Variants in SLC38A12 observed in about 807,000 individuals in gnomAD.
The protein encoded by SLC38A12 is solute carrier family 38 member 12.
chr17:74,786,586 G>C, the SLC38A12 span, among the ~76,000 whole-genome samples: 1 of 152,196 alleles, frequency 6.6e-6, no homozygotes, highest in Middle Eastern at 3.2e-3. Context: ...TAGGATGCCG[G>C]CTGAAGCAGG....
At chr17:74,820,106 G>C in the SLC38A12 span, among the ~76,000 whole-genome samples, 1 of 152,234 alleles carries the variant, frequency 6.6e-6, no homozygotes, top group African/African-American at 2.4e-5. Context: ...GCTGGGGCTA[G>C]AGCCCAGGAT....
the SLC38A12 span, among the ~76,000 whole-genome samples, chr17:74,818,551 C>T: frequency 1.3e-5 from 2 of 152,160 alleles, no homozygotes; most frequent in South Asian, 4.1e-4. Flanking sequence ...CTCAGCTCCT[C>T]CTTCTGCGGG....
At chr17:74,780,664 A>G in the SLC38A12 span, among the ~76,000 whole-genome samples, 2 of 152,140 alleles carry the variant, frequency 1.3e-5, no homozygotes, top group African/African-American at 4.8e-5. Context: ...GTGATTGGCC[A>G]TCACTGATTA....
chr17:74,819,837 T>A, the SLC38A12 span: 1 of 1,613,900 alleles, frequency 6.2e-7, no homozygotes, highest in Non-Finnish European at 8.5e-7. Flanking sequence ...TCTGATGAGA[T>A]GGATCGGTGA....
chr17:74,823,827 C>T, the SLC38A12 span, among the ~76,000 whole-genome samples: 1 of 152,234 alleles, frequency 6.6e-6, no homozygotes, highest in African/African-American at 2.4e-5. Context: ...TTGCCTTGTT[C>T]CCCCCGTGTG....
the SLC38A12 span, chr17:74,836,720 A>G: frequency 6.4e-7 from 1 of 1,552,762 alleles, no homozygotes; most frequent in Non-Finnish European, 8.7e-7. This position sits in a 1 kb window ranked among gnomAD's most constrained non-coding sequence, Gnocchi z 4.2. Context: ...GACAGGAGGC[A>G]TAGGGGCCCC....
At chr17:74,795,933 A>G in the SLC38A12 span, among the ~76,000 whole-genome samples, 2 of 152,148 alleles carry the variant, frequency 1.3e-5, no homozygotes, top group African/African-American at 4.8e-5. Context: ...TCTAGGGCCG[A>G]CCTCAGCAGA....
At chr17:74,780,704 C>T in the SLC38A12 span, among the ~76,000 whole-genome samples, 5 of 152,206 alleles carry the variant, frequency 3.3e-5, no homozygotes, top group Admixed American at 6.5e-5. Flanking sequence ...GGACTGAATG[C>T]TCGCCAGGAG....
chr17:74,814,473 C>T, the SLC38A12 span, among the ~76,000 whole-genome samples: 1 of 152,182 alleles, frequency 6.6e-6, no homozygotes, highest in Non-Finnish European at 1.5e-5. Context: ...CTCCCTGAAG[C>T]CAGTGGGTAA....
the SLC38A12 span, among the ~76,000 whole-genome samples, chr17:74,794,560 C>G: frequency 2.0e-5 from 3 of 152,168 alleles, no homozygotes; most frequent in African/African-American, 7.2e-5. Context: ...TATTTTCCAT[C>G]AACTTCTCTT....
the SLC38A12 span, chr17:74,839,072 C>T: frequency 6.5e-7 from 1 of 1,535,496 alleles, no homozygotes; most frequent in East Asian, 2.4e-5. Context: ...TCTTTGCCTC[C>T]CTCCCCACAG....
At chr17:74,830,028 C>T in the SLC38A12 span, among the ~76,000 whole-genome samples, 1 of 152,180 alleles carries the variant, frequency 6.6e-6, no homozygotes, top group African/African-American at 2.4e-5. Flanking sequence ...GGGCTCGCTA[C>T]TGACCACTCT....
the SLC38A12 span, among the ~76,000 whole-genome samples, chr17:74,802,431 C>T: frequency 7.2e-5 from 11 of 152,162 alleles, no homozygotes; most frequent in South Asian, 2.1e-4. Context: ...TTACCCAGCT[C>T]GGAAGCTGCT....
chr17:74,805,840 A>G, the SLC38A12 span, among the ~76,000 whole-genome samples: 1 of 152,154 alleles, frequency 6.6e-6, no homozygotes. This position sits in a 1 kb window ranked among gnomAD's most constrained non-coding sequence, Gnocchi z 5.0. Context: ...GAGCATCTCA[A>G]GTGATCGCCT....
At chr17:74,815,548 A>G in the SLC38A12 span, among the ~76,000 whole-genome samples, 3 of 152,292 alleles carry the variant, frequency 2.0e-5, no homozygotes, top group South Asian at 4.1e-4. Context: ...GCCCTCACTC[A>G]CACGCTCCGT....
chr17:74,801,060 A>AGG, the SLC38A12 span, among the ~76,000 whole-genome samples: 1 of 152,148 alleles, frequency 6.6e-6, no homozygotes, highest in South Asian at 2.1e-4. Flanking sequence ...GGACGCCTGG[A>AGG]GGGGGAAGGG....
At chr17:74,786,294 A>C in the SLC38A12 span, among the ~76,000 whole-genome samples, 3 of 152,248 alleles carry the variant, frequency 2.0e-5, no homozygotes, top group South Asian at 2.1e-4. Context: ...AGGCATTTCC[A>C]TTCTCTCAAC....
the SLC38A12 span, among the ~76,000 whole-genome samples, chr17:74,833,106 C>T: frequency 6.6e-6 from 1 of 152,234 alleles, no homozygotes; most frequent in South Asian, 2.1e-4. Context: ...TCACTGCAAC[C>T]TCTGCCTCCC....
chr17:74,810,901 T>A, the SLC38A12 span, among the ~76,000 whole-genome samples: 1 of 152,132 alleles, frequency 6.6e-6, no homozygotes, highest in Non-Finnish European at 1.5e-5. Context: ...CTGACACGGC[T>A]CCTGCTCTCT....
Sources: allele counts gnomAD v4.1 joint callset (sites outside exome capture counted in the v4.1 genomes callset), GRCh38; gene constraint gnomAD v4.1.1; non-coding constraint Gnocchi (gnomAD v3.1); transcripts MANE v1.5; gene names NCBI Gene and HGNC (gene_info 2026-07-23, HGNC 2026-07-21).